ANO3: variants seen among roughly 807,000 people sequenced by gnomAD.
ANO3 encodes the protein anoctamin 3, also known as anoctamin-3.
ANO3 carries 99 observed loss-of-function variants against 144.8 expected under a neutral mutation model. The observed-to-expected ratio is 0.68, with a 90% CI of 0.58 to 0.81. ANO3 has a LOEUF of 0.81. Ranked by LOEUF, ANO3 falls within the 30% of genes least tolerant of loss-of-function variation. ANO3 has a pLI of 0.00. For missense variants in ANO3, 905 were observed against 1,202.2 expected, an observed-to-expected ratio of 0.75 and a Z score of 3.66; for synonymous variants, 414 against 392.6, an observed-to-expected ratio of 1.05 and a Z score of -0.64.
At chr11:26,347,024 A>G (rs1200409547) in intron 1 of ANO3, among the ~76,000 whole-genome samples, 1 of 152,190 alleles carries the variant, frequency 6.6e-6, no homozygotes, top group Admixed American at 6.5e-5. Flanking sequence ...GCCCATATTT[A>G]TGTTTTGGAA....
At chr11:26,478,789 T>G (rs537785473) in intron 4 of ANO3, among the ~76,000 whole-genome samples, 2 of 152,142 alleles carry the variant, frequency 1.3e-5, no homozygotes, top group African/African-American at 4.8e-5. Flanking sequence ...TGATTGGTTA[T>G]ATAACTAGGG....
intron 14 of ANO3, among the ~76,000 whole-genome samples, chr11:26,575,763 T>G (rs1293301550): frequency 6.6e-6 from 1 of 152,178 alleles, no homozygotes; most frequent in Non-Finnish European, 1.5e-5. Context: ...TTTCAATAAT[T>G]TCTATGTGAT....
chr11:26,247,925 G>T (rs1235273797), intron 1 of ANO3, among the ~76,000 whole-genome samples: 1 of 151,416 alleles, frequency 6.6e-6, no homozygotes, highest in Non-Finnish European at 1.5e-5. Context: ...AGAGACGGGG[G>T]TTTCACCATG....
chr11:26,455,868 A>C lies in ANO3; in HGVS notation c.314-7162A>C, dbSNP rs1859135397. On this transcript the variant is annotated intron_variant, in intron 3 of 26. Transcript: ENST00000256737. Reference sequence around the variant, plus strand: ...CCAAAACAGCATGGTACTGGCACCAAAACAGAGATATAGATCAATGGAACA... The same window carrying C: ...CCAAAACAGCATGGTACTGGCACCACAACAGAGATATAGATCAATGGAACA... Among the ~76,000 whole-genome samples the C allele has an allele frequency of 1.1e-4, 16 of 151,942 alleles. 1 individual carries two copies. In the South Asian group the frequency reaches 3.3e-3, roughly 32 times the overall value.
At chr11:26,412,441 T>G (rs1857457606) in intron 1 of ANO3, among the ~76,000 whole-genome samples, 1 of 152,052 alleles carries the variant, frequency 6.6e-6, no homozygotes, top group Non-Finnish European at 1.5e-5. Flanking sequence ...AATATTTCAG[T>G]GTACACACAT....
At chr11:26,266,503 G>A (rs1193451694) in intron 1 of ANO3, among the ~76,000 whole-genome samples, 2 of 147,668 alleles carry the variant, frequency 1.4e-5, no homozygotes, top group East Asian at 4.0e-4. Context: ...GCGCAATCTC[G>A]GCTCACTGCA....
intron 17 of ANO3, among the ~76,000 whole-genome samples, chr11:26,605,934 C>A (rs1365284125): frequency 2.6e-5 from 4 of 151,554 alleles, no homozygotes; most frequent in Non-Finnish European, 5.9e-5. Flanking sequence ...GTCTCTACCT[C>A]CTTCTGTTCT....
At chr11:26,607,447 A>G (rs1048971658) in intron 17 of ANO3, among the ~76,000 whole-genome samples, 1 of 152,074 alleles carries the variant, frequency 6.6e-6, no homozygotes, top group African/African-American at 2.4e-5. Flanking sequence ...TCTCCTTTAT[A>G]TACTCCAATC....
chr11:26,592,826 A>G (rs1851491613), intron 14 of ANO3, among the ~76,000 whole-genome samples: 2 of 151,968 alleles, frequency 1.3e-5, no homozygotes, highest in African/African-American at 2.4e-5. Context: ...TGCAGGCAAA[A>G]GTATTTTTCC....
At chr11:26,215,964 G>A (rs1852028379) in intron 1 of ANO3, among the ~76,000 whole-genome samples, 1 of 151,654 alleles carries the variant, frequency 6.6e-6, no homozygotes, top group South Asian at 2.1e-4. Context: ...CATCAACCAG[G>A]GTACGATTAT....
chr11:26,259,606 T>C (rs919977300), intron 1 of ANO3, among the ~76,000 whole-genome samples: 2 of 150,600 alleles, frequency 1.3e-5, no homozygotes, highest in African/African-American at 4.9e-5. Context: ...GGGGCAGAGG[T>C]TGCAGTTAGC....
At chr11:26,649,278 C>T (rs1853447861) in intron 24 of ANO3, among the ~76,000 whole-genome samples, 1 of 152,116 alleles carries the variant, frequency 6.6e-6, no homozygotes, top group Admixed American at 6.5e-5. Flanking sequence ...AGGTATATAA[C>T]AGTAGAATCT....
intron 1 of ANO3, among the ~76,000 whole-genome samples, chr11:26,207,845 A>T (rs556785408): frequency 3.9e-5 from 6 of 152,306 alleles, no homozygotes; most frequent in African/African-American, 1.2e-4. Context: ...GATTGAAGGC[A>T]TATTTTCAGT....
intron 1 of ANO3, among the ~76,000 whole-genome samples, chr11:26,210,389 T>C (rs1262865728): frequency 1.3e-5 from 2 of 152,206 alleles, no homozygotes; most frequent in Non-Finnish European, 2.9e-5. Flanking sequence ...TACTGTAGCC[T>C]TGTAGTATAG....
intron 3 of ANO3, among the ~76,000 whole-genome samples, chr11:26,455,634 A>C (rs1590375528): frequency 6.6e-6 from 1 of 152,318 alleles, no homozygotes; most frequent in East Asian, 1.9e-4. Context: ...TATTGTGAAA[A>C]TGGCCATACT....
chr11:26,391,081 C>G (rs1245415146), intron 1 of ANO3, among the ~76,000 whole-genome samples: 1 of 152,056 alleles, frequency 6.6e-6, no homozygotes, highest in Non-Finnish European at 1.5e-5. Flanking sequence ...CTTTCTAAAA[C>G]TGAATACTTG....
chr11:26,258,767 G>A (rs1853116638), intron 1 of ANO3, among the ~76,000 whole-genome samples: 1 of 152,052 alleles, frequency 6.6e-6, no homozygotes, highest in African/African-American at 2.4e-5. Context: ...TATAACCAAT[G>A]GCTAGTCTAA....
chr11:26,267,656 G>A (rs1160288395), intron 1 of ANO3, among the ~76,000 whole-genome samples: 1 of 152,138 alleles, frequency 6.6e-6, no homozygotes, highest in Admixed American at 6.5e-5. Flanking sequence ...TTTAAAAGTA[G>A]AGACTTAACA....
chr11:26,532,308 A>C (rs1349121577), intron 8 of ANO3, among the ~76,000 whole-genome samples: 1 of 152,176 alleles, frequency 6.6e-6, no homozygotes, highest in Non-Finnish European at 1.5e-5. Flanking sequence ...TTGGCTTTAG[A>C]GAGAGGTGAG....
Sources: allele counts gnomAD v4.1 joint callset (sites outside exome capture counted in the v4.1 genomes callset), GRCh38; gene constraint gnomAD v4.1.1; transcripts MANE v1.5; gene names NCBI Gene and HGNC (gene_info 2026-07-23, HGNC 2026-07-21).